Variants in GLIS3 observed in about 807,000 individuals in gnomAD.
GLIS3 encodes GLIS family zinc finger 3.
In GLIS3, 53 loss-of-function variants were observed where a neutral mutation model predicts 78.6. The observed-to-expected ratio is 0.67, with a 90% CI of 0.54 to 0.85. The LOEUF is 0.85. Among genes scored for constraint, GLIS3 ranks in the 40% least tolerant of loss-of-function variants. GLIS3 has a pLI of 0.00. For missense variants in GLIS3, 1,703 were observed against 1,231.1 expected (o/e 1.38, Z -5.74); for synonymous variants, 684 against 509.9 (o/e 1.34, Z -4.60).
At chr9:3,865,171 A>AT (rs1820489905) in intron 8 of GLIS3, among the ~76,000 whole-genome samples, 1 of 152,194 alleles carries the variant, frequency 6.6e-6, no homozygotes, top group African/African-American at 2.4e-5. Flanking sequence ...ACCAAAGACT[A>AT]TTTCTCAGAA....
At chr9:3,953,791 CTCTCTATATATA>C (rs769847949) in intron 4 of GLIS3, among the ~76,000 whole-genome samples, 1,010 of 47,850 alleles carry the variant, frequency 0.021, 10 homozygotes, top group Admixed American at 0.032. Context: ...CTCTCTCTCT[CTCTCTATATATA>C]TATATATATA....
the GLIS3 span, among the ~76,000 whole-genome samples, chr9:4,453,894 G>A: frequency 2.6e-5 from 4 of 152,158 alleles, no homozygotes; most frequent in African/African-American, 9.6e-5. Flanking sequence ...AATACCTAAT[G>A]TAAATGACGA....
At chr9:3,879,287 A>G in intron 8 of GLIS3, 140 bp downstream of exon 8, 1 of 790,094 alleles carries the variant, frequency 1.3e-6, no homozygotes, top group Non-Finnish European at 2.2e-6. Flanking sequence ...TGCTTTGTGT[A>G]TGTACTTTTA....
At chr9:4,338,752 T>G (rs1038296322) in intron 2 of GLIS3, among the ~76,000 whole-genome samples, 18 of 152,048 alleles carry the variant, frequency 1.2e-4, no homozygotes, top group African/African-American at 4.3e-4. Flanking sequence ...AAGTAGAAAG[T>G]AGAGGAACCA....
chr9:4,459,648 C>T, the GLIS3 span, among the ~76,000 whole-genome samples: 1 of 152,070 alleles, frequency 6.6e-6, no homozygotes, highest in Non-Finnish European at 1.5e-5. Context: ...GCCTGTGGTC[C>T]CAGCTACTTG....
At chr9:3,965,026 T>C (rs947687013) in intron 4 of GLIS3, among the ~76,000 whole-genome samples, 1 of 151,886 alleles carries the variant, frequency 6.6e-6, no homozygotes, top group Admixed American at 6.6e-5. Context: ...AAAATAGCAA[T>C]ATGAAATAAA....
rs542431767 is a variant in GLIS3, at chr9:4,023,138, G to A, written c.1711-85949C>T. Among the ~76,000 whole-genome samples the A allele has an allele frequency of 2.3e-3, 350 of 152,272 alleles. 3 individuals carry two copies. The highest frequency in any genetic ancestry group is 8.0e-3 in the African/African-American group (334 of 41,560). Reference sequence around the variant, plus strand: ...ACGCATTTACATATTGAACTCCAGTGATCAAATCTTTTTTAAAAATATACT... The same window carrying A: ...ACGCATTTACATATTGAACTCCAGTAATCAAATCTTTTTTAAAAATATACT... On this transcript the variant is annotated intron_variant, in intron 4 of 10. Coordinates refer to ENST00000381971, the MANE Select transcript of GLIS3 (RefSeq NM_001042413.2).
At chr9:4,434,142 G>A in the GLIS3 span, among the ~76,000 whole-genome samples, 1 of 149,680 alleles carries the variant, frequency 6.7e-6, no homozygotes, top group Non-Finnish European at 1.5e-5. Flanking sequence ...CAATTGTGTA[G>A]AACGCCTCAG....
intron 4 of GLIS3, among the ~76,000 whole-genome samples, chr9:3,965,534 A>G (rs35039584): frequency 0.15 from 23,252 of 152,130 alleles, 2,421 homozygotes; most frequent in African/African-American, 0.29. Context: ...CTGGTTCATA[A>G]CTTTGAGTCA....
chr9:4,155,754 G>T (rs752605132), intron 2 of GLIS3, among the ~76,000 whole-genome samples: 3 of 152,128 alleles, frequency 2.0e-5, no homozygotes, highest in Non-Finnish European at 4.4e-5. Context: ...GGCTGTACAA[G>T]CATAGATTGC....
intron 2 of GLIS3, among the ~76,000 whole-genome samples, chr9:4,261,783 C>T (rs1825551671): frequency 6.6e-6 from 1 of 152,196 alleles, no homozygotes; most frequent in Admixed American, 6.5e-5. Context: ...CACTGCCTCA[C>T]AAACCCATGA....
chr9:4,165,453 A>G (rs558044664), intron 2 of GLIS3, among the ~76,000 whole-genome samples: 22 of 152,232 alleles, frequency 1.4e-4, no homozygotes, highest in Non-Finnish European at 3.1e-4. Context: ...AAGACAAAAC[A>G]AAACAAAAAA....
the GLIS3 span, among the ~76,000 whole-genome samples, chr9:4,471,710 A>T: frequency 2.0e-5 from 3 of 152,198 alleles, no homozygotes; most frequent in African/African-American, 7.2e-5. Context: ...GGACTTCATG[A>T]CTAAAACACC....
At chr9:4,336,749 C>T (rs1211337031) in intron 2 of GLIS3, among the ~76,000 whole-genome samples, 1 of 152,168 alleles carries the variant, frequency 6.6e-6, no homozygotes, top group Non-Finnish European at 1.5e-5. Context: ...TGTCCCAAGT[C>T]CTATACAATT....
chr9:3,932,239 G>C (rs1030632664), intron 6 of GLIS3, 121 bp downstream of exon 6: 11 of 754,962 alleles, frequency 1.5e-5, no homozygotes, highest in Non-Finnish European at 2.6e-5. Context: ...TCCTCAAACG[G>C]TCTAAAGCAG....
intron 4 of GLIS3, among the ~76,000 whole-genome samples, chr9:3,991,683 A>ATTTTTTTTT (rs59495657): frequency 5.7e-5 from 5 of 87,912 alleles, no homozygotes; most frequent in African/African-American, 1.6e-4. Flanking sequence ...AAGTAGGCTG[A>ATTTTTTTTT]TTTTTTTTTT....
intron 2 of GLIS3, among the ~76,000 whole-genome samples, chr9:4,258,940 G>A (rs919110262): frequency 5.9e-5 from 9 of 152,128 alleles, no homozygotes; most frequent in African/African-American, 2.2e-4. Context: ...TATAAACACA[G>A]TTTTTCAGAC....
At position 4,118,681 on chromosome 9, in the gene GLIS3, G is replaced by A; in HGVS notation, c.797C>T (p.Ser266Phe). ...PGTSMSSNSV[S>F]NSLPSYLFGT... ...AAAAAGGTAGGATGGTAATGAGTTA[G>A]AGACACTATTGCTGGACATGGATGT... is the stretch of plus-strand genomic sequence containing the variant. The change falls in exon 4 of 11, where the codon TCT (serine) becomes TTT (phenylalanine). Residue 266 changes from serine (S) to phenylalanine (F), a missense_variant. By Grantham distance (155) the Ser-to-Phe change is radical. Coordinates refer to ENST00000381971, the MANE Select transcript of GLIS3 (RefSeq NM_001042413.2). This position sits in a 1 kb window ranked among gnomAD's most constrained non-coding sequence, Gnocchi z 4.7. 1 of 1,614,150 alleles carries A rather than the reference G, an allele frequency of 6.2e-7. No homozygotes were observed. Among genetic ancestry groups the A allele is most frequent in the East Asian group, 2.2e-5 (1 of 44,864 alleles).
At chr9:4,482,355 A>G in the GLIS3 span, among the ~76,000 whole-genome samples, 5 of 152,250 alleles carry the variant, frequency 3.3e-5, no homozygotes, top group African/African-American at 1.2e-4. Flanking sequence ...TGAAAGTTTA[A>G]TGAGTTACAG....
Sources: allele counts gnomAD v4.1 joint callset (sites outside exome capture counted in the v4.1 genomes callset), GRCh38; gene constraint gnomAD v4.1.1; non-coding constraint Gnocchi (gnomAD v3.1); transcripts MANE v1.5; gene names NCBI Gene and HGNC (gene_info 2026-07-23, HGNC 2026-07-21).